Variants in FEZ1 observed in about 807,000 individuals in gnomAD.
FEZ1 encodes the protein fasciculation and elongation protein zeta-1.
FEZ1 carries 20 observed loss-of-function variants against 49.3 expected under a neutral mutation model. That is an observed-to-expected ratio of 0.41 (90% CI 0.29 to 0.59). FEZ1 has a LOEUF of 0.59. Among genes scored for constraint, FEZ1 ranks in the 20% least tolerant of loss-of-function variants. The pLI, the probability that FEZ1 is intolerant of heterozygous loss-of-function variation, is 0.36. For missense variants in FEZ1, 413 were observed against 476.0 expected (o/e 0.87, Z 1.23); for synonymous variants, 170 against 180.9 (o/e 0.94, Z 0.48).
rs1005416132 is a variant in FEZ1 at position 125,496,255 on chromosome 11, C to G, written c.-180G>C. ...AGCCAGCCAGCCAGCGAGCGCTCCCCGCGCAGCTCCGGCGGCGCCCGGCTC... is the reference window on the plus strand; with the variant it reads ...AGCCAGCCAGCCAGCGAGCGCTCCCGGCGCAGCTCCGGCGGCGCCCGGCTC... On this transcript the variant is annotated 5_prime_UTR_variant, in exon 1 of 10. Coordinates refer to ENST00000278919, the MANE Select transcript of FEZ1 (RefSeq NM_005103.5). 1 of 153,470 alleles carries G rather than the reference C, an allele frequency of 6.5e-6. No homozygotes were observed. The highest frequency in any genetic ancestry group is 6.6e-5 in the Admixed American group (1 of 15,256). The allele number at this position is 153,470 out of a possible 1,614,324, so 9.5% of individuals were successfully genotyped here. A position where few individuals can be genotyped will look rare whatever the true frequency, so the allele number is the denominator to read the frequency against.
At chr11:125,472,297 A>G (rs983508330) in intron 3 of FEZ1, among the ~76,000 whole-genome samples, 2 of 152,088 alleles carry the variant, frequency 1.3e-5, no homozygotes, top group Non-Finnish European at 2.9e-5. Flanking sequence ...AGGAAATCAA[A>G]GAAATAAAAA....
At chr11:125,460,361 T>C (rs1957062256) in intron 5 of FEZ1, 137 bp downstream of exon 5, 2 of 665,458 alleles carry the variant, frequency 3.0e-6, no homozygotes, top group Non-Finnish European at 4.8e-6. Context: ...AAGAAAGGTA[T>C]TGCTGACCAC....
At chr11:125,454,266 AC>A in intron 6 of FEZ1, 56 bp from the exon 7 acceptor site, 1 of 1,359,378 alleles carries the variant, frequency 7.4e-7, no homozygotes, top group African/African-American at 1.4e-5. Context: ...CTGTCACCAC[AC>A]CCAGGGACCT....
Position 125,489,337 on chromosome 11 carries a change from T to C in FEZ1, c.311+130A>G. 6.9e-7 allele frequency: 1 copy of C among 1,459,284 alleles called. No individual in the cohort carries two copies. 90.4% of individuals were successfully genotyped at this position (1,459,284 alleles called of 1,614,324 possible). A position where few individuals can be genotyped will look rare whatever the true frequency, so the allele number is the denominator to read the frequency against. Reference sequence around the variant, plus strand: ...GCTATGACAGCAAGTACCAGGGCACTGCTCCGCTGGCAACACGAAAATGAA... The same window carrying C: ...GCTATGACAGCAAGTACCAGGGCACCGCTCCGCTGGCAACACGAAAATGAA... On this transcript the variant is annotated intron_variant, in intron 2 of 9. Transcript: ENST00000278919. This position sits in a 1 kb window ranked among gnomAD's most constrained non-coding sequence, Gnocchi z 4.2.
intron 5 of FEZ1, among the ~76,000 whole-genome samples, chr11:125,457,489 TGTG>T: frequency 3.8e-5 from 1 of 26,276 alleles, no homozygotes; most frequent in East Asian, 1.4e-3. Flanking sequence ...TACACATATA[TGTG>T]TATATATGTA....
At chr11:125,449,893 G>A (rs1479499992) in intron 8 of FEZ1, among the ~76,000 whole-genome samples, 2 of 152,170 alleles carry the variant, frequency 1.3e-5, no homozygotes, top group Non-Finnish European at 2.9e-5. Context: ...GCGTGAGTCA[G>A]CAGCCAGGTC....
At chr11:125,460,133 CT>C (rs1341166260) in intron 5 of FEZ1, 1 of 165,404 alleles carries the variant, frequency 6.0e-6, no homozygotes, top group African/African-American at 2.4e-5. Flanking sequence ...AGAATAAGGT[CT>C]GGCACATAGA....
chr11:125,488,100 G>A (rs1957343151), intron 2 of FEZ1, among the ~76,000 whole-genome samples: 1 of 152,192 alleles, frequency 6.6e-6, no homozygotes, highest in Non-Finnish European at 1.5e-5. Context: ...AACTCATGTA[G>A]ACAGTAGTCC....
intron 2 of FEZ1, chr11:125,488,874 T>C (rs1957353920): frequency 1.0e-6 from 1 of 985,360 alleles, no homozygotes; most frequent in Non-Finnish European, 1.2e-6. Context: ...CCCTAGAAAG[T>C]AGCGAGCAAG....
intron 8 of FEZ1, among the ~76,000 whole-genome samples, chr11:125,451,717 T>G (rs1956960049): frequency 1.3e-5 from 2 of 152,214 alleles, no homozygotes; most frequent in African/African-American, 4.8e-5. Context: ...TACTGTTTGA[T>G]GTATATAAAC....
At position 125,455,867 on chromosome 11, in the gene FEZ1, G is replaced by C; in HGVS notation, c.907C>G (p.Arg303Gly). The C allele has an allele frequency of 6.2e-7, 1 of 1,613,788 alleles. No individual in the cohort carries two copies. Among genetic ancestry groups the C allele is most frequent in the Non-Finnish European group, 8.5e-7 (1 of 1,179,988 alleles). ...GGCATCTGGTTTCCCTTCTCTATCC[G>C]GCTGCTCTGCAGGCTCAGCCCTTTC... ...KEKGLSLQSS[R>G]IEKGNQMPLK... Residue 303 changes from arginine (R) to glycine (G), a missense_variant, in exon 6 of 10, where the codon CGG becomes GGG. By Grantham distance (125) the Arg-to-Gly change is moderately radical. Transcript: ENST00000278919.
chr11:125,455,903 T>G lies in FEZ1; in HGVS notation c.871A>C (p.Arg291=). Residue 291 remains arginine (R), a synonymous_variant, in exon 6 of 10, where the codon AGG becomes CGG. Coordinates refer to ENST00000278919, the MANE Select transcript of FEZ1 (RefSeq NM_005103.5). The part of the protein sequence containing the change: ...QKEQRELMKK[R]RKEKGLSLQS... ...AGGCTCAGCCCTTTCTCTTTCCGCC[T>G]CTTTTTCATCAGTTCTCGCTGCTCC... The G allele has an allele frequency of 6.2e-7, 1 of 1,613,688 alleles. No homozygotes were observed. Among genetic ancestry groups the G allele is most frequent in the South Asian group, 1.1e-5 (1 of 91,042 alleles).
chr11:125,486,132 G>A (rs1189635982), intron 2 of FEZ1, among the ~76,000 whole-genome samples: 2 of 152,120 alleles, frequency 1.3e-5, no homozygotes, highest in Non-Finnish European at 2.9e-5. Flanking sequence ...GTATTTACTT[G>A]TCTTCAACAT....
rs544212962 is a variant in FEZ1 at position 125,445,884 on chromosome 11, A to G, written c.*211T>C. On this transcript the variant is annotated 3_prime_UTR_variant, in exon 10 of 10. Coordinates refer to ENST00000278919, the MANE Select transcript of FEZ1 (RefSeq NM_005103.5). The surrounding 1 kb of genome is among the most constrained non-coding windows in gnomAD (Gnocchi z 4.4). ...CTCCTGACACCAGCAAGGGGGAGGC[A>G]CCATCACCGGCCCTGCCCCATCATG... 105 of 605,632 alleles carry G rather than the reference A, an allele frequency of 1.7e-4. 1 individual carries two copies. The East Asian group carries it at 3.1e-3, about 18-fold the overall frequency. 37.5% of individuals were successfully genotyped at this position (605,632 alleles called of 1,614,324 possible).
rs1336399786 is a variant in FEZ1 at position 125,444,019 on chromosome 11, G to C, written c.*2076C>G. On this transcript the variant is annotated 3_prime_UTR_variant, in exon 10 of 10. Transcript: ENST00000278919. ...GAGGCTGGTGAAAAACCCCGTCGCC[G>C]GCAGAGTGCTAAACATGCTAATGAC... 1.3e-5 allele frequency among the ~76,000 whole-genome samples: 2 copies of C among 152,160 alleles called. No individual in the cohort carries two copies. The highest frequency in any genetic ancestry group is 6.5e-5 in the Admixed American group (1 of 15,280).
chr11:125,493,566 G>A (rs1957426481), intron 1 of FEZ1, among the ~76,000 whole-genome samples: 1 of 151,598 alleles, frequency 6.6e-6, no homozygotes, highest in South Asian at 2.1e-4. Context: ...TGATGTGGGA[G>A]TGCTTCAAGT....
At chr11:125,456,553 G>GCAA (rs1299165988) in intron 5 of FEZ1, among the ~76,000 whole-genome samples, 1 of 152,116 alleles carries the variant, frequency 6.6e-6, no homozygotes, top group East Asian at 1.9e-4. Flanking sequence ...ATAGCATACG[G>GCAA]CAACAACAAC....
intron 6 of FEZ1, chr11:125,455,551 C>T (rs1301013977): frequency 2.2e-6 from 1 of 464,434 alleles, no homozygotes; most frequent in African/African-American, 1.9e-5. Context: ...CACGAAATAC[C>T]CTCACTCCAC....
At chr11:125,456,172 T>G in intron 5 of FEZ1, 66 bp from the exon 6 acceptor site, 3 of 1,449,560 alleles carry the variant, frequency 2.1e-6, no homozygotes, top group Non-Finnish European at 2.8e-6. Flanking sequence ...GGGAGGCTCC[T>G]GGGGCCACCA....
Sources: allele counts gnomAD v4.1 joint callset (sites outside exome capture counted in the v4.1 genomes callset), GRCh38; gene constraint gnomAD v4.1.1; non-coding constraint Gnocchi (gnomAD v3.1); transcripts MANE v1.5; gene names NCBI Gene and HGNC (gene_info 2026-07-23, HGNC 2026-07-21).